Variants in TPPP observed in about 807,000 individuals in gnomAD.
The protein encoded by TPPP is tubulin polymerization promoting protein.
A neutral mutation model predicts 15.5 loss-of-function variants in TPPP; 6 were observed. That is an observed-to-expected ratio of 0.39 (90% CI 0.21 to 0.77). The LOEUF (loss-of-function observed/expected upper bound fraction) is 0.77, where lower values mean the gene tolerates loss of function less well. Ranked by LOEUF, TPPP falls within the 30% of genes least tolerant of loss-of-function variation. The pLI, the probability that TPPP is intolerant of heterozygous loss-of-function variation, is 0.42. For synonymous variants in TPPP, 146 were observed against 133.9 expected (o/e 1.09, Z -0.63); for missense variants, 269 against 307.2 (o/e 0.88, Z 0.93).
rs1739664976 is a variant in TPPP, at chr5:662,391, C to T, written c.*2711G>A. Reference sequence around the variant, plus strand: ...GTGCTTGTCTGAGGCCAACCAGGGACCAGGAGGCAGCGTCCTGGTGCCCAG... The same window carrying T: ...GTGCTTGTCTGAGGCCAACCAGGGATCAGGAGGCAGCGTCCTGGTGCCCAG... On this transcript the variant is annotated 3_prime_UTR_variant, in exon 4 of 4. Coordinates refer to ENST00000360578, the MANE Select transcript of TPPP (RefSeq NM_007030.3). 1 of 152,502 alleles carries T rather than the reference C, an allele frequency of 6.6e-6. No homozygotes were observed. Among genetic ancestry groups the T allele is most frequent in the South Asian group, 2.1e-4 (1 of 4,834 alleles). 9.4% of individuals were successfully genotyped at this position (152,502 alleles called of 1,614,324 possible).
chr5:694,106 C>G (rs540505433), upstream of TPPP, among the ~76,000 whole-genome samples: 13 of 139,266 alleles, frequency 9.3e-5, no homozygotes, highest in South Asian at 3.2e-3. Flanking sequence ...CGCCACCATC[C>G]CGGCCGCTCT....
chr5:669,847 G>A (rs1228715623), intron 2 of TPPP, among the ~76,000 whole-genome samples: 12 of 152,118 alleles, frequency 7.9e-5, no homozygotes, highest in Non-Finnish European at 1.8e-4. Flanking sequence ...GGACAGCGGT[G>A]CCTGCCTCTT....
the TPPP span, among the ~76,000 whole-genome samples, chr5:698,571 G>A: frequency 6.6e-6 from 1 of 151,954 alleles, no homozygotes; most frequent in Non-Finnish European, 1.5e-5. Context: ...GCAGGCAAGA[G>A]AGAGGGTGAA....
intron 2 of TPPP, among the ~76,000 whole-genome samples, chr5:674,152 C>T (rs1740322872): frequency 6.6e-6 from 1 of 152,236 alleles, no homozygotes; most frequent in Non-Finnish European, 1.5e-5. Flanking sequence ...CACCCACAAG[C>T]ACCATCTCCA....
At chr5:666,268 A>C in intron 2 of TPPP, 145 bp from the exon 3 acceptor site, 1 of 871,808 alleles carries the variant, frequency 1.1e-6, no homozygotes, top group Non-Finnish European at 1.7e-6. Context: ...AGCACTGCAA[A>C]TCCAAACTGT....
At chr5:671,826 G>C (rs547788273) in intron 2 of TPPP, among the ~76,000 whole-genome samples, 1 of 152,246 alleles carries the variant, frequency 6.6e-6, no homozygotes, top group Non-Finnish European at 1.5e-5. Flanking sequence ...GCAAGCCCGG[G>C]ACAGGGTGGC....
intron 2 of TPPP, among the ~76,000 whole-genome samples, chr5:676,910 TACACGACGCAGAAAC>T (rs1740461110): frequency 1.5e-5 from 2 of 130,712 alleles, no homozygotes; most frequent in African/African-American, 5.3e-5. Context: ...CACGCGCGCA[TACACGACGCAGAAAC>T]GCACGCGCGC....
chr5:698,503 C>T, the TPPP span, among the ~76,000 whole-genome samples: 1 of 152,004 alleles, frequency 6.6e-6, no homozygotes, highest in Non-Finnish European at 1.5e-5. Flanking sequence ...TACAGTTCCA[C>T]ACGGCTGGGG....
chr5:676,784 A>T (rs541939366), intron 2 of TPPP, among the ~76,000 whole-genome samples: 239 of 152,290 alleles, frequency 1.6e-3, no homozygotes, highest in African/African-American at 5.6e-3. Flanking sequence ...TGCACACATG[A>T]CACAGAAACG....
chr5:684,248 G>C (rs1740706799), intron 1 of TPPP, among the ~76,000 whole-genome samples: 1 of 152,222 alleles, frequency 6.6e-6, no homozygotes, highest in Admixed American at 6.5e-5. Context: ...GAGCGGAGGG[G>C]ATCGGGACCA....
intron 2 of TPPP, among the ~76,000 whole-genome samples, chr5:676,912 CACG>C (rs1294238951): frequency 6.7e-6 from 1 of 149,134 alleles, no homozygotes; most frequent in Non-Finnish European, 1.5e-5. Flanking sequence ...CGCGCGCATA[CACG>C]ACGCAGAAAC....
intron 1 of TPPP, among the ~76,000 whole-genome samples, chr5:683,324 A>G (rs2126909137): frequency 6.6e-6 from 1 of 152,302 alleles, no homozygotes; most frequent in Non-Finnish European, 1.5e-5. Context: ...GGATTCCACC[A>G]GAACCCGAGG....
rs536630239 is a variant in TPPP, at chr5:668,840, C to T, written c.312-2717G>A. Among the ~76,000 whole-genome samples the T allele has an allele frequency of 5.9e-5, 9 of 152,364 alleles. No homozygotes were observed. In the South Asian group the frequency reaches 1.4e-3, roughly 25 times the overall value. On this transcript the variant is annotated intron_variant, in intron 2 of 3. Coordinates refer to ENST00000360578, the MANE Select transcript of TPPP (RefSeq NM_007030.3). Reference sequence around the variant, plus strand: ...TGTGTGCGCACGTGGACAGCACCCCCACCCCTCGAGAACAAGCCCAGGATA... The same window carrying T: ...TGTGTGCGCACGTGGACAGCACCCCTACCCCTCGAGAACAAGCCCAGGATA...
chr5:673,548 T>A (rs1740295764), intron 2 of TPPP, among the ~76,000 whole-genome samples: 1 of 151,984 alleles, frequency 6.6e-6, no homozygotes, highest in Non-Finnish European at 1.5e-5. Context: ...CAGGACAATC[T>A]CCCACACGGC....
intron 2 of TPPP, among the ~76,000 whole-genome samples, chr5:675,260 C>T: frequency 1.8e-5 from 1 of 54,326 alleles, no homozygotes; most frequent in Non-Finnish European, 3.2e-5. Context: ...TACAGTGTGG[C>T]CGGGGGTGCA....
chr5:668,400 C>G lies in TPPP; in HGVS notation c.312-2277G>C, dbSNP rs1313105936. Reference sequence around the variant, plus strand: ...CGCGTGGGCCTCGTCAGGGAAGTACCGACAAGCACACAGAGAGGGGGCCGC... The same window carrying G: ...CGCGTGGGCCTCGTCAGGGAAGTACGGACAAGCACACAGAGAGGGGGCCGC... On this transcript the variant is annotated intron_variant, in intron 2 of 3. Coordinates refer to ENST00000360578, the MANE Select transcript of TPPP (RefSeq NM_007030.3). 2.8e-4 allele frequency among the ~76,000 whole-genome samples: 26 copies of G among 92,534 alleles called. 5 individuals carry two copies. Among genetic ancestry groups the G allele is most frequent in the Admixed American group, 9.2e-4 (9 of 9,776 alleles). 60.7% of individuals were successfully genotyped at this position (92,534 alleles called of 152,430 possible). A position where few individuals can be genotyped will look rare whatever the true frequency, so the allele number is the denominator to read the frequency against.
At chr5:700,567 C>A in the TPPP span, among the ~76,000 whole-genome samples, 1 of 151,990 alleles carries the variant, frequency 6.6e-6, no homozygotes, top group Non-Finnish European at 1.5e-5. Context: ...GAAATCTGCA[C>A]TTCTACCCCT....
At chr5:684,043 T>G (rs1257871524) in intron 1 of TPPP, among the ~76,000 whole-genome samples, 2 of 152,176 alleles carry the variant, frequency 1.3e-5, no homozygotes, top group African/African-American at 4.8e-5. Context: ...CACTCCTGTT[T>G]AGGAAACCCC....
intron 2 of TPPP, among the ~76,000 whole-genome samples, chr5:674,363 C>T (rs1215439375): frequency 6.6e-6 from 1 of 152,196 alleles, no homozygotes. Context: ...GGCACAGGGG[C>T]CCTGGCAGCC....
Sources: gnomAD v4.1 joint callset for allele counts (sites outside exome capture counted in the v4.1 genomes callset) on GRCh38, gnomAD v4.1.1 for gene constraint, MANE v1.5 for transcripts, NCBI Gene and HGNC (gene_info 2026-07-23, HGNC 2026-07-21) for gene names.